Variants in FAM161A observed in about 807,000 individuals in gnomAD.
The protein encoded by FAM161A is FAM161 centrosomal protein A.
FAM161A carries 57 observed loss-of-function variants against 70.9 expected under a neutral mutation model. That is an observed-to-expected ratio of 0.80 (90% CI 0.65 to 1.00). FAM161A has a LOEUF of 1.00. FAM161A is among the 50% of genes least tolerant of loss of function. The pLI is 0.00. For synonymous variants in FAM161A, 299 were observed against 295.7 expected, an observed-to-expected ratio of 1.01 and a Z score of -0.12; for missense variants, 880 against 836.0, an observed-to-expected ratio of 1.05 and a Z score of -0.65.
downstream of FAM161A, among the ~76,000 whole-genome samples, chr2:61,820,869 A>G (rs1038787657): frequency 2.0e-5 from 3 of 152,166 alleles, no homozygotes; most frequent in Non-Finnish European, 2.9e-5. Flanking sequence ...TACAAAGCTA[A>G]AGCCTCATTT....
the FAM161A span, among the ~76,000 whole-genome samples, chr2:61,802,010 C>T: frequency 2.6e-5 from 4 of 152,290 alleles, no homozygotes; most frequent in Admixed American, 1.3e-4. Context: ...TGAATCAAAA[C>T]ACATGAGATA....
the FAM161A span, among the ~76,000 whole-genome samples, chr2:61,802,449 C>G: frequency 6.6e-6 from 1 of 152,134 alleles, no homozygotes; most frequent in Non-Finnish European, 1.5e-5. Context: ...TCTTCCACAT[C>G]CCCACATTCT....
At chr2:61,832,919 C>T (rs1672636920) in intron 5 of FAM161A, among the ~76,000 whole-genome samples, 1 of 152,104 alleles carries the variant, frequency 6.6e-6, no homozygotes, top group African/African-American at 2.4e-5. Context: ...AGAGAGAAAC[C>T]ATTCCAAAGT....
At chr2:61,807,575 G>C in the FAM161A span, among the ~76,000 whole-genome samples, 2 of 150,578 alleles carry the variant, frequency 1.3e-5, no homozygotes, top group Admixed American at 6.6e-5. Flanking sequence ...TGCAAAGTGG[G>C]GGACTTTGCA....
the FAM161A span, among the ~76,000 whole-genome samples, chr2:61,818,254 C>T: frequency 0.17 from 25,313 of 151,960 alleles, 2,314 homozygotes; most frequent in African/African-American, 0.22. Context: ...TGGGATCTCA[C>T]CTTGTTGGCC....
chr2:61,818,187 C>T, the FAM161A span, among the ~76,000 whole-genome samples: 1 of 151,688 alleles, frequency 6.6e-6, no homozygotes, highest in Non-Finnish European at 1.5e-5. Context: ...TCCTGAGTAG[C>T]TGGGATTACA....
intron 5 of FAM161A, among the ~76,000 whole-genome samples, chr2:61,829,755 T>A (rs1279875567): frequency 6.6e-6 from 1 of 152,214 alleles, no homozygotes; most frequent in African/African-American, 2.4e-5. Context: ...CAATTTAACA[T>A]CTTCTCAGTT....
chr2:61,825,317 G>C lies in FAM161A; in HGVS notation c.*1138C>G, dbSNP rs1347945151. Reference sequence around the variant, plus strand: ...TATGTAAAAAGTTGAACACAACTGGGTCTAGCAGTGAAGAGTTAAATCTGA... The same window carrying C: ...TATGTAAAAAGTTGAACACAACTGGCTCTAGCAGTGAAGAGTTAAATCTGA... On this transcript the variant is annotated 3_prime_UTR_variant, in exon 7 of 7. Transcript: ENST00000404929. 4.4e-6 allele frequency: 2 copies of C among 454,200 alleles called. No individual in the cohort carries two copies. Among genetic ancestry groups the C allele is most frequent in the East Asian group, 1.4e-4 (2 of 14,530 alleles). 28.1% of individuals were successfully genotyped at this position (454,200 alleles called of 1,614,324 possible). A position where few individuals can be genotyped will look rare whatever the true frequency, so the allele number is the denominator to read the frequency against.
the FAM161A span, among the ~76,000 whole-genome samples, chr2:61,801,432 G>C: frequency 6.6e-6 from 1 of 151,776 alleles, no homozygotes; most frequent in African/African-American, 2.4e-5. Context: ...AAGAGGCAGA[G>C]GTTGCAGTGA....
intron 5 of FAM161A, among the ~76,000 whole-genome samples, chr2:61,828,914 G>A (rs1672474020): frequency 6.6e-6 from 1 of 152,094 alleles, no homozygotes; most frequent in African/African-American, 2.4e-5. Context: ...CTCCACTTTA[G>A]CCCATTTTAG....
chr2:61,841,053 C>T (rs770357615), intron 2 of FAM161A, among the ~76,000 whole-genome samples: 5 of 152,204 alleles, frequency 3.3e-5, no homozygotes, highest in Admixed American at 2.0e-4. Context: ...GGGCAATGCC[C>T]ATAAATTATC....
chr2:61,832,579 A>G (rs576732861), intron 5 of FAM161A, among the ~76,000 whole-genome samples: 1 of 152,302 alleles, frequency 6.6e-6, no homozygotes, highest in East Asian at 1.9e-4. Flanking sequence ...CCTACCACGA[A>G]CTAGGTACGG....
chr2:61,823,008 C>T (rs1475755708), downstream of FAM161A, among the ~76,000 whole-genome samples: 2 of 151,948 alleles, frequency 1.3e-5, no homozygotes, highest in Non-Finnish European at 2.9e-5. Context: ...TCCTTAAAGG[C>T]ATGCTTATTT....
rs369115510 is a variant in FAM161A at position 61,839,943 on chromosome 2, C to A, written c.1061G>T (p.Arg354Leu). The change falls in exon 3 of 7, where the codon CGA becomes CTA. Residue 354 changes from arginine to leucine, a missense_variant. By Grantham distance (102) the Arg-to-Leu change is moderately radical (BLOSUM62 -2). Coordinates refer to ENST00000404929, the MANE Select transcript of FAM161A (RefSeq NM_001201543.2). The part of the protein sequence containing the change: ...DFLKYKKKTN[R>L]FKARPIPRST... The stretch of plus-strand genomic sequence containing the variant: ...TCGAGGAATGGGTCTGGCTTTAAAT[C>A]GATTTGTTTTCTTTTTATACTTAAG... The A allele has an allele frequency of 3.7e-6, 6 of 1,614,142 alleles. No homozygotes were observed. The highest frequency in any genetic ancestry group is 1.7e-5 in the Admixed American group (1 of 60,022).
the FAM161A span, among the ~76,000 whole-genome samples, chr2:61,813,110 G>C: frequency 6.6e-6 from 1 of 151,930 alleles, no homozygotes; most frequent in African/African-American, 2.4e-5. Context: ...GTAGTGAATA[G>C]TCTTGTGTTA....
chr2:61,804,787 A>AAAGAAAG, the FAM161A span, among the ~76,000 whole-genome samples: 1 of 149,682 alleles, frequency 6.7e-6, no homozygotes, highest in Non-Finnish European at 1.5e-5. Context: ...AGAAAGAAAG[A>AAAGAAAG]AAGAAAGAAA....
At chr2:61,808,693 T>A in the FAM161A span, among the ~76,000 whole-genome samples, 2 of 152,170 alleles carry the variant, frequency 1.3e-5, no homozygotes, top group African/African-American at 4.8e-5. Flanking sequence ...CTGACAAGAA[T>A]AAGTTTAGGA....
Position 61,825,262 on chromosome 2 carries a change from A to G in FAM161A, c.*1193T>C. ...ATTTATAAAATCAGATTAACACTGT[A>G]CACAGAGAGATAAAGTGTGTTGGCA... On this transcript the variant is annotated 3_prime_UTR_variant, in exon 7 of 7. Transcript: ENST00000404929. 2 of 454,168 alleles carry G rather than the reference A, an allele frequency of 4.4e-6. No individual in the cohort carries two copies. The highest frequency in any genetic ancestry group is 1.6e-5 in the South Asian group (1 of 64,434). 28.1% of individuals were successfully genotyped at this position (454,168 alleles called of 1,614,324 possible).
downstream of FAM161A, among the ~76,000 whole-genome samples, chr2:61,821,018 G>C (rs1672191060): frequency 6.6e-6 from 1 of 151,564 alleles, no homozygotes; most frequent in South Asian, 2.1e-4. Flanking sequence ...TTCAGAGTTA[G>C]ATATAAGCAT....
Sources: gnomAD v4.1 joint callset for allele counts (sites outside exome capture counted in the v4.1 genomes callset) on GRCh38, gnomAD v4.1.1 for gene constraint, MANE v1.5 for transcripts, NCBI Gene and HGNC (gene_info 2026-07-23, HGNC 2026-07-21) for gene names.